KCNB2: variants seen among roughly 807,000 people sequenced by gnomAD.
The protein encoded by KCNB2 is delayed rectifier potassium channel protein.
A neutral mutation model predicts 61.5 loss-of-function variants in KCNB2; 15 were observed. That is an observed-to-expected ratio of 0.24 (90% CI 0.16 to 0.38). The LOEUF (loss-of-function observed/expected upper bound fraction) is 0.38. Among genes scored for constraint, KCNB2 ranks in the 10% least tolerant of loss-of-function variants. The pLI, the probability that KCNB2 is intolerant of heterozygous loss-of-function variation, is 1.00. For missense variants in KCNB2, 828 were observed against 1,125.2 expected (o/e 0.74, Z 3.78); for synonymous variants, 457 against 446.0 (o/e 1.02, Z -0.31).
intron 2 of KCNB2, among the ~76,000 whole-genome samples, chr8:72,659,915 C>A (rs1490728670): frequency 6.6e-6 from 1 of 152,194 alleles, no homozygotes; most frequent in Non-Finnish European, 1.5e-5. Flanking sequence ...TTGTGACTCA[C>A]TTTAATGTAT....
chr8:72,905,062 T>C (rs1026761730), intron 2 of KCNB2, among the ~76,000 whole-genome samples: 2 of 152,180 alleles, frequency 1.3e-5, no homozygotes, highest in African/African-American at 4.8e-5. Flanking sequence ...AAACACCTGC[T>C]AAGTACTGAC....
At chr8:72,701,482 G>A (rs759954715) in intron 2 of KCNB2, among the ~76,000 whole-genome samples, 6 of 152,142 alleles carry the variant, frequency 3.9e-5, no homozygotes, top group Non-Finnish European at 7.4e-5. Flanking sequence ...ACAACATGTT[G>A]ATACTGCAGA....
At chr8:72,559,025 T>TG (rs1443654304) in intron 1 of KCNB2, among the ~76,000 whole-genome samples, 1 of 152,086 alleles carries the variant, frequency 6.6e-6, no homozygotes, top group African/African-American at 2.4e-5. Context: ...GAGAGAGGGC[T>TG]GGGGGGAGCA....
intron 2 of KCNB2, among the ~76,000 whole-genome samples, chr8:72,622,665 T>C (rs1470062141): frequency 6.6e-6 from 1 of 152,200 alleles, no homozygotes; most frequent in Non-Finnish European, 1.5e-5. Context: ...TGAAAGTTAG[T>C]CTAGGGTTTA....
At chr8:72,716,894 G>T (rs1363704873) in intron 2 of KCNB2, among the ~76,000 whole-genome samples, 1 of 151,992 alleles carries the variant, frequency 6.6e-6, no homozygotes, top group Non-Finnish European at 1.5e-5. Context: ...CAGATGACAT[G>T]ATTGTATATC....
At chr8:72,831,644 A>T (rs1444100480) in intron 2 of KCNB2, among the ~76,000 whole-genome samples, 1 of 152,262 alleles carries the variant, frequency 6.6e-6, no homozygotes, top group Non-Finnish European at 1.5e-5. Context: ...TTTCAATTAA[A>T]ATAAAACATT....
chr8:72,738,288 T>C (rs145714994), intron 2 of KCNB2, among the ~76,000 whole-genome samples: 37 of 152,272 alleles, frequency 2.4e-4, no homozygotes, highest in African/African-American at 8.4e-4. Context: ...ACTACAAACA[T>C]GTATCTTTCT....
At chr8:72,733,667 C>G (rs1030859421) in intron 2 of KCNB2, among the ~76,000 whole-genome samples, 2 of 152,084 alleles carry the variant, frequency 1.3e-5, no homozygotes, top group African/African-American at 4.8e-5. Flanking sequence ...TGTTGACACT[C>G]CAAAACCATC....
At chr8:72,910,918 A>G (rs1806277794) in intron 2 of KCNB2, among the ~76,000 whole-genome samples, 1 of 152,212 alleles carries the variant, frequency 6.6e-6, no homozygotes, top group African/African-American at 2.4e-5. Flanking sequence ...TGGATGCTCC[A>G]TTCTAGTTCT....
chr8:72,646,583 G>T (rs1382083438), intron 2 of KCNB2, among the ~76,000 whole-genome samples: 4 of 152,162 alleles, frequency 2.6e-5, no homozygotes, highest in Admixed American at 2.6e-4. Context: ...CAACATGGAT[G>T]AACCTCGAGG....
chr8:72,590,517 G>C (rs1257471207), intron 2 of KCNB2, among the ~76,000 whole-genome samples: 1 of 152,148 alleles, frequency 6.6e-6, no homozygotes, highest in Non-Finnish European at 1.5e-5. Context: ...CCCGTGAAAA[G>C]TGAATCCTTT....
intron 2 of KCNB2, among the ~76,000 whole-genome samples, chr8:72,683,902 A>G (rs998438759): frequency 1.2e-4 from 18 of 152,168 alleles, no homozygotes; most frequent in African/African-American, 4.3e-4. Context: ...GGCAGGAGCT[A>G]GGTCATGAAG....
At chr8:72,905,884 G>A (rs923380371) in intron 2 of KCNB2, among the ~76,000 whole-genome samples, 7 of 152,092 alleles carry the variant, frequency 4.6e-5, no homozygotes, top group African/African-American at 1.4e-4. Context: ...TAAGATGTTT[G>A]GGATGTAGAT....
At chr8:72,918,677 A>G (rs1196685977) in intron 2 of KCNB2, among the ~76,000 whole-genome samples, 3 of 152,342 alleles carry the variant, frequency 2.0e-5, no homozygotes, top group African/African-American at 7.2e-5. Context: ...TCAAAAGCAT[A>G]AAATATTACT....
intron 2 of KCNB2, among the ~76,000 whole-genome samples, chr8:72,848,144 C>A (rs1441679084): frequency 6.6e-6 from 1 of 152,164 alleles, no homozygotes; most frequent in Non-Finnish European, 1.5e-5. Context: ...GCCCAATTTG[C>A]ATTTGGAATA....
intron 2 of KCNB2, among the ~76,000 whole-genome samples, chr8:72,778,760 AAAAGAAAG>A (rs1563382505): frequency 2.1e-5 from 3 of 140,854 alleles, no homozygotes; most frequent in Non-Finnish European, 4.7e-5. Context: ...AAAAAAAAAA[AAAAGAAAG>A]AAAGAAAGAA....
At position 72,724,650 on chromosome 8, in the gene KCNB2, C is replaced by T. The variant is rs369040496; in HGVS notation, c.579+156337C>T. On this transcript the variant is annotated intron_variant, in intron 2 of 2. Transcript: ENST00000523207. ...TCAGATAAATAACAATAGTATGTCT[C>T]GAATACTGCATCAACATACTTATAC... Among the ~76,000 whole-genome samples the T allele has an allele frequency of 4.1e-4, 63 of 152,226 alleles. No individual in the cohort carries two copies. In the Middle Eastern group the frequency reaches 0.014, roughly 33 times the overall value.
At chr8:72,883,044 C>G (rs1436766998) in intron 2 of KCNB2, among the ~76,000 whole-genome samples, 21 of 152,146 alleles carry the variant, frequency 1.4e-4, no homozygotes, top group Admixed American at 1.4e-3. Flanking sequence ...GATTATTTAC[C>G]CTCCTGGTCC....
chr8:72,539,997 G>A (rs902244092), intron 1 of KCNB2, among the ~76,000 whole-genome samples: 1 of 152,162 alleles, frequency 6.6e-6, no homozygotes, highest in Admixed American at 6.5e-5. Flanking sequence ...ACTTAAGAGT[G>A]TGTCTGTCCA....
Sources: allele counts gnomAD v4.1 joint callset (sites outside exome capture counted in the v4.1 genomes callset), GRCh38; gene constraint gnomAD v4.1.1; transcripts MANE v1.5; gene names NCBI Gene and HGNC (gene_info 2026-07-23, HGNC 2026-07-21).